The following SH3BP2 variants were observed in gnomAD, a reference collection of about 807,000 sequenced individuals.
SH3BP2 encodes SH3 domain binding protein 2.
SH3BP2 carries 38 observed loss-of-function variants against 56.2 expected under a neutral mutation model. The observed-to-expected ratio is 0.68, with a 90% CI of 0.52 to 0.89. The LOEUF (loss-of-function observed/expected upper bound fraction) is 0.89. Among genes scored for constraint, SH3BP2 ranks in the 40% least tolerant of loss-of-function variants. SH3BP2 has a pLI of 0.00. For missense variants in SH3BP2, 748 were observed against 762.6 expected (o/e 0.98, Z 0.23); for synonymous variants, 346 against 316.7 (o/e 1.09, Z -0.98).
At chr4:2,802,331 T>G (rs952676624) in intron 1 of SH3BP2, among the ~76,000 whole-genome samples, 3 of 151,444 alleles carry the variant, frequency 2.0e-5, no homozygotes, top group Admixed American at 2.0e-4. Flanking sequence ...GAGACAGAGG[T>G]TGCAATGAGC....
intron 1 of SH3BP2, among the ~76,000 whole-genome samples, chr4:2,798,090 C>A (rs1487860996): frequency 6.6e-6 from 1 of 152,154 alleles, no homozygotes; most frequent in East Asian, 1.9e-4. Flanking sequence ...GTGACAGCCA[C>A]CGCTGCCTGC....
intron 1 of SH3BP2, chr4:2,818,235 C>T (rs1161974307): frequency 4.1e-6 from 4 of 987,292 alleles, no homozygotes; most frequent in Admixed American, 1.2e-4. Flanking sequence ...TGGCGGGCTC[C>T]GGGCCGCGGC....
chr4:2,798,829 C>T (rs1723146413), intron 1 of SH3BP2, among the ~76,000 whole-genome samples: 1 of 152,216 alleles, frequency 6.6e-6, no homozygotes, highest in South Asian at 2.1e-4. Flanking sequence ...TGCTGGGTGG[C>T]TCAGGTGGCT....
rs556644429 is a variant in SH3BP2 at position 2,834,206 on chromosome 4, G to A, written c.*372G>A. On this transcript the variant is annotated 3_prime_UTR_variant, in exon 13 of 13. Coordinates refer to ENST00000503393, the MANE Select transcript of SH3BP2 (RefSeq NM_001122681.2). ...GCCAGGGCAGCTGGGTGGGGGCCGGGGCTGGCCCTGGGACCCCCAGGAACG... is the reference window on the plus strand; with the variant it reads ...GCCAGGGCAGCTGGGTGGGGGCCGGAGCTGGCCCTGGGACCCCCAGGAACG... The A allele has an allele frequency of 1.9e-3, 392 of 206,298 alleles. 2 individuals are homozygous for A. The highest frequency in any genetic ancestry group is 0.017 in the South Asian group (147 of 8,622). The allele number at this position is 206,298 out of a possible 1,614,324, so 12.8% of individuals were successfully genotyped here.
chr4:2,793,480 G>C (rs2108690959), intron 1 of SH3BP2, among the ~76,000 whole-genome samples: 1 of 151,394 alleles, frequency 6.6e-6, no homozygotes, highest in South Asian at 2.1e-4. Context: ...GCCTGGGCAC[G>C]GCGGGCAGTG....
chr4:2,806,584 TCACTTCACTGTCTCCAGCCC>T (rs1040413504), intron 1 of SH3BP2, among the ~76,000 whole-genome samples: 1 of 151,816 alleles, frequency 6.6e-6, no homozygotes, highest in East Asian at 1.9e-4. Flanking sequence ...TCGCCTTGCC[TCACTTCACTGTCTCCAGCCC>T]CACCTCACCG....
In SH3BP2 at chr4:2,795,833, C is replaced by G. The variant is rs771429928; in HGVS notation, c.-5+2695C>G. ...GGCAAGGAGAAGGGGCCGTGCAGAC[C>G]CTGGAATCCTTCCTCCAGGATAGGC... On this transcript the variant is annotated intron_variant, in intron 1 of 12. Coordinates refer to ENST00000503393, the MANE Select transcript of SH3BP2 (RefSeq NM_001122681.2). Among the ~76,000 whole-genome samples, 7 of 152,254 alleles carry G rather than the reference C, an allele frequency of 4.6e-5. No homozygotes were observed. The Middle Eastern group carries it at 0.01, about 222-fold the overall frequency.
chr4:2,823,690 C>A (rs763795023), intron 3 of SH3BP2: 16 of 363,714 alleles, frequency 4.4e-5, no homozygotes, highest in Non-Finnish European at 8.9e-5. Context: ...GCTATCCCAT[C>A]GGAGCCCTGC....
intron 4 of SH3BP2, 109 bp from the exon 5 acceptor site, chr4:2,825,017 C>T: frequency 9.3e-7 from 1 of 1,078,012 alleles, no homozygotes; most frequent in Non-Finnish European, 1.4e-6. Flanking sequence ...CGGGTCGCCT[C>T]CTCTGACCTT....
intron 12 of SH3BP2, chr4:2,833,270 G>A: frequency 3.2e-6 from 2 of 627,468 alleles, no homozygotes; most frequent in Non-Finnish European, 5.7e-6. Context: ...TAGTGGGGAT[G>A]GGCGGTCAGC....
At position 2,840,066 on chromosome 4, in the gene SH3BP2, A is replaced by G. The variant is rs1337819282; in HGVS notation, c.*6232A>G. ...ATGGCGAAACACCATCTCTACAAAAAATACAAAAATTAGCTGGACATGGTG... is the reference window on the plus strand; with the variant it reads ...ATGGCGAAACACCATCTCTACAAAAGATACAAAAATTAGCTGGACATGGTG... On this transcript the variant is annotated 3_prime_UTR_variant, in exon 13 of 13. Coordinates refer to ENST00000503393, the MANE Select transcript of SH3BP2 (RefSeq NM_001122681.2). 6.6e-6 allele frequency: 1 copy of G among 151,960 alleles called. No individual in the cohort carries two copies. Among genetic ancestry groups the G allele is most frequent in the East Asian group, 1.9e-4 (1 of 5,174 alleles). 9.4% of individuals were successfully genotyped at this position (151,960 alleles called of 1,614,324 possible).
In SH3BP2 at chr4:2,834,452, G is replaced by A. The variant is rs886059361; in HGVS notation, c.*618G>A. ...GAGTGACTTCCCCAGGGTGCACAGC[G>A]AGTAACAGATCAGGACCCAAACTTG... On this transcript the variant is annotated 3_prime_UTR_variant, in exon 13 of 13. Coordinates refer to ENST00000503393, the MANE Select transcript of SH3BP2 (RefSeq NM_001122681.2). 1 of 152,966 alleles carries A rather than the reference G, an allele frequency of 6.5e-6. No individual in the cohort carries two copies. Among genetic ancestry groups the A allele is most frequent in the Admixed American group, 6.5e-5 (1 of 15,318 alleles). 9.5% of individuals were successfully genotyped at this position (152,966 alleles called of 1,614,324 possible).
At chr4:2,803,755 T>G (rs577660685) in intron 1 of SH3BP2, among the ~76,000 whole-genome samples, 33 of 152,336 alleles carry the variant, frequency 2.2e-4, no homozygotes, top group Admixed American at 8.5e-4. Flanking sequence ...AGCTATGCTC[T>G]GTCTGACTCT....
chr4:2,840,678 T>C lies in SH3BP2; in HGVS notation c.*6844T>C, dbSNP rs1377929083. 2 of 152,236 alleles carry C rather than the reference T, an allele frequency of 1.3e-5. No individual in the cohort carries two copies. Among genetic ancestry groups the C allele is most frequent in the South Asian group, 2.1e-4 (1 of 4,830 alleles). The allele number at this position is 152,236 out of a possible 1,614,324, so 9.4% of individuals were successfully genotyped here. On this transcript the variant is annotated 3_prime_UTR_variant, in exon 13 of 13. Coordinates refer to ENST00000503393, the MANE Select transcript of SH3BP2 (RefSeq NM_001122681.2). Reference sequence around the variant, plus strand: ...AGAGTGTCTTGACTATTCTGGCTCTTTGTATTTTCATGTAAGGTTTTTCTC... The same window carrying C: ...AGAGTGTCTTGACTATTCTGGCTCTCTGTATTTTCATGTAAGGTTTTTCTC...
At chr4:2,805,611 A>G (rs906863522) in intron 1 of SH3BP2, among the ~76,000 whole-genome samples, 5 of 152,190 alleles carry the variant, frequency 3.3e-5, no homozygotes, top group Admixed American at 2.0e-4. Flanking sequence ...ATCTCTCCCC[A>G]CAGAACTGGT....
intron 1 of SH3BP2, among the ~76,000 whole-genome samples, chr4:2,804,868 G>T (rs1277460264): frequency 6.6e-6 from 1 of 152,268 alleles, no homozygotes; most frequent in Non-Finnish European, 1.5e-5. Flanking sequence ...AGCCACGCTG[G>T]CTGGGTAGCC....
intron 2 of SH3BP2, among the ~76,000 whole-genome samples, chr4:2,821,292 C>A (rs1465224176): frequency 6.6e-6 from 1 of 152,244 alleles, no homozygotes; most frequent in Non-Finnish European, 1.5e-5. Context: ...TTTGCAGTAG[C>A]AGTGCCCTCT....
At chr4:2,802,578 A>ATG (rs1723344162) in intron 1 of SH3BP2, among the ~76,000 whole-genome samples, 1 of 121,428 alleles carries the variant, frequency 8.2e-6, no homozygotes, top group African/African-American at 4.0e-5. Flanking sequence ...ATATGTGTAT[A>ATG]TGTATATATA....
intron 1 of SH3BP2, among the ~76,000 whole-genome samples, chr4:2,800,465 AC>A (rs1440209523): frequency 2.6e-5 from 4 of 151,828 alleles, no homozygotes. Flanking sequence ...AGGGGCAGAC[AC>A]CGGCGGGCTT....
Sources: gnomAD v4.1 joint callset for allele counts (sites outside exome capture counted in the v4.1 genomes callset) on GRCh38, gnomAD v4.1.1 for gene constraint, MANE v1.5 for transcripts, NCBI Gene and HGNC (gene_info 2026-07-23, HGNC 2026-07-21) for gene names.